PTPRE: variants seen among roughly 807,000 people sequenced by gnomAD.
PTPRE encodes protein tyrosine phosphatase receptor type E, also known as receptor-type tyrosine-protein phosphatase epsilon.
PTPRE carries 51 observed loss-of-function variants against 102.0 expected under a neutral mutation model. That is an observed-to-expected ratio of 0.50 (90% CI 0.40 to 0.63). The LOEUF is 0.63. Ranked by LOEUF, PTPRE falls within the 30% of genes least tolerant of loss-of-function variation. The probability of loss-of-function intolerance (pLI) is 0.00; values close to 1 mark genes in which losing one functional copy is unlikely to be tolerated. For synonymous variants in PTPRE, 345 were observed against 348.2 expected (o/e 0.99, Z 0.10); for missense variants, 752 against 915.1 (o/e 0.82, Z 2.30).
At chr10:128,072,295 C>A in intron 16 of PTPRE, 81 bp downstream of exon 16, 2 of 1,210,004 alleles carry the variant, frequency 1.7e-6, no homozygotes, top group East Asian at 2.6e-5. Context: ...CTTGTTTTCA[C>A]AATGAGAAAG....
rs114715024 is a variant in PTPRE, at chr10:127,919,331, G to A, written c.-31+12022G>A. On this transcript the variant is annotated intron_variant, in intron 1 of 20. Transcript: ENST00000254667. ...AACCAAAGTTAAATTCTACCCTTGCGCTTTAGATGTTAACAATTTGAGAAG... is the reference window on the plus strand; with the variant it reads ...AACCAAAGTTAAATTCTACCCTTGCACTTTAGATGTTAACAATTTGAGAAG... Among the ~76,000 whole-genome samples the A allele has an allele frequency of 2.7e-3, 406 of 152,290 alleles. 3 individuals are homozygous for A. Among genetic ancestry groups the A allele is most frequent in the African/African-American group, 9.0e-3 (372 of 41,562 alleles).
rs1850630811 is a variant in PTPRE at position 128,070,059 on chromosome 10, A to G, written c.1143+232A>G. On this transcript the variant is annotated intron_variant, in intron 13 of 20. Coordinates refer to ENST00000254667, the MANE Select transcript of PTPRE (RefSeq NM_006504.6). The surrounding 1 kb of genome is among the most constrained non-coding windows in gnomAD (Gnocchi z 4.8). ...AGATGGGGCAATCCTACTCCCCCAA[A>G]CGGTGCATGTACACAGTGCGTGGCG... The G allele has an allele frequency of 1.4e-6, 1 of 695,614 alleles. No homozygotes were observed. The highest frequency in any genetic ancestry group is 2.7e-5 in the East Asian group (1 of 36,624). 43.1% of individuals were successfully genotyped at this position (695,614 alleles called of 1,614,324 possible).
intron 1 of PTPRE, among the ~76,000 whole-genome samples, chr10:127,963,281 C>G (rs978094396): frequency 1.3e-5 from 2 of 152,324 alleles, no homozygotes; most frequent in South Asian, 2.1e-4. Context: ...CCCCAGCACC[C>G]CTGCATCTCA....
chr10:127,914,388 G>A (rs1039096067), intron 1 of PTPRE, among the ~76,000 whole-genome samples: 4 of 152,316 alleles, frequency 2.6e-5, no homozygotes, highest in East Asian at 1.9e-4. Flanking sequence ...TGCGGACACC[G>A]GTGGCCTGTT....
chr10:128,061,741 G>T (rs753822310), intron 9 of PTPRE, 26 bp downstream of exon 9: 2 of 1,572,286 alleles, frequency 1.3e-6, no homozygotes, highest in Non-Finnish European at 8.6e-7. Flanking sequence ...ATTTCTCAAC[G>T]TATTTTTGGT....
At chr10:127,912,369 A>G (rs1055214056) in intron 1 of PTPRE, among the ~76,000 whole-genome samples, 1 of 152,242 alleles carries the variant, frequency 6.6e-6, no homozygotes, top group African/African-American at 2.4e-5. Flanking sequence ...AATATTTTAA[A>G]AGGGCATCTG....
At chr10:127,926,601 A>G (rs1847027183) in intron 1 of PTPRE, among the ~76,000 whole-genome samples, 2 of 152,078 alleles carry the variant, frequency 1.3e-5, no homozygotes, top group Admixed American at 6.5e-5. Flanking sequence ...GGGCGTGAGG[A>G]GCAAGCCTGA....
chr10:128,011,031 G>A (rs1028301576), intron 2 of PTPRE, among the ~76,000 whole-genome samples: 3 of 152,194 alleles, frequency 2.0e-5, no homozygotes, highest in Non-Finnish European at 4.4e-5. Flanking sequence ...CATACTTTGA[G>A]TTATAGTCTC....
rs773622752 is a variant in PTPRE at position 127,946,593 on chromosome 10, G to A, written c.-30-35681G>A. On this transcript the variant is annotated intron_variant, in intron 1 of 20. Transcript: ENST00000254667. ...TTGGTAAGAGAGAAGAGCAAGATGCGCTTGCACATTGCACCTGTGCACACT... is the reference window on the plus strand; with the variant it reads ...TTGGTAAGAGAGAAGAGCAAGATGCACTTGCACATTGCACCTGTGCACACT... Among the ~76,000 whole-genome samples, 8 of 152,100 alleles carry A rather than the reference G, an allele frequency of 5.3e-5. 1 individual carries two copies. The highest frequency in any genetic ancestry group is 1.2e-4 in the African/African-American group (5 of 41,430).
chr10:128,020,200 G>A (rs1351973864), intron 2 of PTPRE, among the ~76,000 whole-genome samples: 1 of 152,228 alleles, frequency 6.6e-6, no homozygotes, highest in East Asian at 1.9e-4. Context: ...TCTTATTAAA[G>A]TATCAGAATT....
chr10:127,965,798 C>G (rs534240298), intron 1 of PTPRE, among the ~76,000 whole-genome samples: 1 of 152,170 alleles, frequency 6.6e-6, no homozygotes, highest in Non-Finnish European at 1.5e-5. Flanking sequence ...GGCTCAGGGT[C>G]CAGCCAGTCT....
intron 6 of PTPRE, among the ~76,000 whole-genome samples, chr10:128,052,188 G>GGGTCCTCAGA (rs1848613817): frequency 6.6e-6 from 1 of 152,144 alleles, no homozygotes; most frequent in Non-Finnish European, 1.5e-5. Flanking sequence ...GCTCTCTCTT[G>GGGTCCTCAGA]GGTCCTCAGA....
At chr10:128,053,827 C>T (rs946801487) in intron 6 of PTPRE, among the ~76,000 whole-genome samples, 3 of 152,116 alleles carry the variant, frequency 2.0e-5, no homozygotes, top group African/African-American at 7.2e-5. Context: ...GTGGTGAAAT[C>T]TTGGCTCACG....
At chr10:127,925,855 A>G (rs1236278792) in intron 1 of PTPRE, among the ~76,000 whole-genome samples, 1 of 152,140 alleles carries the variant, frequency 6.6e-6, no homozygotes, top group East Asian at 1.9e-4. Flanking sequence ...GCTGATAGGT[A>G]AAGGGCACCT....
Position 128,008,513 on chromosome 10 carries a change from T to A in PTPRE, c.-8+26217T>A, listed in dbSNP as rs942493479. On this transcript the variant is annotated intron_variant, in intron 2 of 20. Coordinates refer to ENST00000254667, the MANE Select transcript of PTPRE (RefSeq NM_006504.6). This position sits in a 1 kb window ranked among gnomAD's most constrained non-coding sequence, Gnocchi z 4.0. ...CCCAGTTGATCAATATCCCCTTTAT[T>A]CTAGTAGGTCAGGGGACTCTGGAGT... Among the ~76,000 whole-genome samples the A allele has an allele frequency of 6.6e-6, 1 of 152,118 alleles. No individual in the cohort carries two copies. The highest frequency in any genetic ancestry group is 2.4e-5 in the African/African-American group (1 of 41,426).
chr10:128,034,329 C>CCCCCCG (rs1554929873), intron 2 of PTPRE, among the ~76,000 whole-genome samples: 41 of 152,016 alleles, frequency 2.7e-4, no homozygotes, highest in African/African-American at 9.7e-4. Flanking sequence ...CACACCACCC[C>CCCCCCG]CCCCACCGAC....
At chr10:127,981,000 C>A (rs1246991671) in intron 1 of PTPRE, among the ~76,000 whole-genome samples, 1 of 152,154 alleles carries the variant, frequency 6.6e-6, no homozygotes, top group Admixed American at 6.5e-5. Flanking sequence ...GCAGCCTAAT[C>A]AATAATCCCA....
chr10:128,054,396 C>T (rs1179835192), intron 6 of PTPRE, among the ~76,000 whole-genome samples: 1 of 152,042 alleles, frequency 6.6e-6, no homozygotes, highest in East Asian at 2.0e-4. Context: ...AAAGAGAAGG[C>T]TCTAGAATTT....
chr10:127,999,722 C>T, intron 2 of PTPRE: 3 of 984,732 alleles, frequency 3.0e-6, no homozygotes, highest in Non-Finnish European at 3.6e-6. Flanking sequence ...TGAGCGGTCT[C>T]TCCTGTAAAT....
Sources: gnomAD v4.1 joint callset for allele counts (sites outside exome capture counted in the v4.1 genomes callset) on GRCh38, gnomAD v4.1.1 for gene constraint, Gnocchi (gnomAD v3.1) non-coding constraint, MANE v1.5 for transcripts, NCBI Gene and HGNC (gene_info 2026-07-23, HGNC 2026-07-21) for gene names.